Variants in RFT1 observed in about 807,000 individuals in gnomAD.
RFT1 encodes the protein man(5)GlcNAc(2)-PP-dolichol translocation protein RFT1.
A neutral mutation model predicts 62.2 loss-of-function variants in RFT1; 43 were observed. The ratio of observed to expected loss-of-function variants is 0.69; its 90% CI spans 0.54 to 0.89. The LOEUF is 0.89. Among genes scored for constraint, RFT1 ranks in the 40% least tolerant of loss-of-function variants. RFT1 has a pLI of 0.00. For missense variants in RFT1, 605 were observed against 649.9 expected, an observed-to-expected ratio of 0.93 and a Z score of 0.75; for synonymous variants, 262 against 264.6, an observed-to-expected ratio of 0.99 and a Z score of 0.10.
chr3:53,095,293 C>T (rs1293169806), intron 11 of RFT1, among the ~76,000 whole-genome samples: 1 of 152,022 alleles, frequency 6.6e-6, no homozygotes, highest in African/African-American at 2.4e-5. Flanking sequence ...AAAATCAAAG[C>T]AAAATTATTA....
the RFT1 span, among the ~76,000 whole-genome samples, chr3:53,083,322 G>A: frequency 1.3e-5 from 2 of 150,138 alleles, no homozygotes; most frequent in Admixed American, 1.3e-4. Flanking sequence ...GACCAGTCTG[G>A]GCAACATAGT....
chr3:53,090,234 G>A lies in RFT1; in HGVS notation c.*1669C>T, dbSNP rs1700953905. 1.3e-5 allele frequency: 2 copies of A among 152,764 alleles called. No homozygotes were observed. Among genetic ancestry groups the A allele is most frequent in the Non-Finnish European group, 2.9e-5 (2 of 68,074 alleles). The allele number at this position is 152,764 out of a possible 1,614,324, so 9.5% of individuals were successfully genotyped here. ...ACGGGATAGGTGCAGGGTTCCGGGA[G>A]GGTGATCAGCAGCTGCAGAGAAGCA... On this transcript the variant is annotated 3_prime_UTR_variant, in exon 13 of 13. Coordinates refer to ENST00000296292, the MANE Select transcript of RFT1 (RefSeq NM_052859.4).
Position 53,104,101 on chromosome 3 carries a change from G to A in RFT1, c.958-4C>T. 6.2e-7 allele frequency: 1 copy of A among 1,614,104 alleles called. No individual in the cohort carries two copies. The highest frequency in any genetic ancestry group is 8.5e-7 in the Non-Finnish European group (1 of 1,180,016). On this transcript the variant is annotated splice_region_variant and splice_polypyrimidine_tract_variant and intron_variant, in intron 9 of 12. Transcript: ENST00000296292. Reference sequence around the variant, plus strand: ...CAGCAGCCACAGCAACGTCCTCCTGGGGCCAGGGAAGAGGGAAGGAAGTTG... The same window carrying A: ...CAGCAGCCACAGCAACGTCCTCCTGAGGCCAGGGAAGAGGGAAGGAAGTTG...
At chr3:53,123,308 A>G (rs1575503092) in intron 3 of RFT1, among the ~76,000 whole-genome samples, 1 of 152,234 alleles carries the variant, frequency 6.6e-6, no homozygotes, top group Non-Finnish European at 1.5e-5. Flanking sequence ...ATGTAATAAA[A>G]CCCATAAAAG....
At chr3:53,124,393 G>C (rs544766711) in intron 2 of RFT1, among the ~76,000 whole-genome samples, 1 of 152,162 alleles carries the variant, frequency 6.6e-6, no homozygotes, top group South Asian at 2.1e-4. Flanking sequence ...AGGAGTAGCT[G>C]AGATCTCCCC....
intron 1 of RFT1, among the ~76,000 whole-genome samples, chr3:53,129,600 G>A (rs73087734): frequency 6.6e-6 from 1 of 152,264 alleles, no homozygotes; most frequent in Non-Finnish European, 1.5e-5. Context: ...AGCTCCTGGG[G>A]TTGAAAGAAT....
At chr3:53,130,312 G>A (rs1161410592) in intron 1 of RFT1, 26 bp downstream of exon 1, 1 of 1,558,358 alleles carries the variant, frequency 6.4e-7, no homozygotes, top group Admixed American at 1.9e-5. Context: ...TGCAGTACAA[G>A]CTGGAACCTG....
At chr3:53,119,133 G>A (rs1158322138) in intron 6 of RFT1, among the ~76,000 whole-genome samples, 2 of 151,966 alleles carry the variant, frequency 1.3e-5, no homozygotes, top group South Asian at 2.1e-4. Flanking sequence ...AGGATCACTT[G>A]AGCCCAGGAG....
the RFT1 span, among the ~76,000 whole-genome samples, chr3:53,083,318 T>A: frequency 1.4e-5 from 2 of 143,712 alleles, no homozygotes; most frequent in South Asian, 4.4e-4. Flanking sequence ...GTAAGACCAG[T>A]CTGGGCAACA....
downstream of RFT1, among the ~76,000 whole-genome samples, chr3:53,084,599 C>A (rs1199410445): frequency 1.3e-5 from 2 of 152,208 alleles, no homozygotes; most frequent in South Asian, 4.1e-4. Context: ...AGCTCCCGAG[C>A]CTGTTCCAAG....
At chr3:53,103,402 G>C in intron 10 of RFT1, 2 of 327,852 alleles carry the variant, frequency 6.1e-6, no homozygotes, top group Non-Finnish European at 8.8e-6. Flanking sequence ...CAGCGGCCTG[G>C]TGTTTCAAAA....
the RFT1 span, among the ~76,000 whole-genome samples, chr3:53,073,195 G>A: frequency 6.6e-6 from 1 of 152,228 alleles, no homozygotes; most frequent in South Asian, 2.1e-4. Flanking sequence ...AGCCTGGTGG[G>A]GCACCGGCCT....
At chr3:53,110,749 T>C (rs2107132271) in intron 7 of RFT1, among the ~76,000 whole-genome samples, 1 of 152,274 alleles carries the variant, frequency 6.6e-6, no homozygotes, top group Non-Finnish European at 1.5e-5. Flanking sequence ...GGGACTATAT[T>C]TTATAATTAA....
chr3:53,126,419 T>G (rs1205212768), intron 1 of RFT1, among the ~76,000 whole-genome samples: 6 of 152,218 alleles, frequency 3.9e-5, no homozygotes, highest in Admixed American at 2.0e-4. Context: ...CTTAAGGGTA[T>G]AGCAGACTCA....
chr3:53,121,636 CAA>C (rs1701970599), intron 5 of RFT1, 61 bp downstream of exon 5: 1 of 1,327,200 alleles, frequency 7.5e-7, no homozygotes, highest in Non-Finnish European at 1.1e-6. Flanking sequence ...GCGGTGGGAA[CAA>C]GAAGAAAAAC....
intron 5 of RFT1, among the ~76,000 whole-genome samples, chr3:53,120,617 G>C (rs1701943685): frequency 6.6e-6 from 1 of 152,196 alleles, no homozygotes; most frequent in Admixed American, 6.5e-5. Context: ...TTCTGGCCAG[G>C]AGCAGCCAGA....
the RFT1 span, among the ~76,000 whole-genome samples, chr3:53,069,577 G>C: frequency 6.6e-6 from 1 of 152,220 alleles, no homozygotes; most frequent in Non-Finnish European, 1.5e-5. Context: ...TGATCACTCA[G>C]TAAGAAAAGA....
At chr3:53,085,185 GC>G (rs1439785267), downstream of RFT1, among the ~76,000 whole-genome samples, 1 of 152,216 alleles carries the variant, frequency 6.6e-6, no homozygotes, top group East Asian at 1.9e-4. Flanking sequence ...TCCTCTCACT[GC>G]CCACCAGCCT....
At chr3:53,116,440 T>C (rs1701799028) in intron 6 of RFT1, among the ~76,000 whole-genome samples, 1 of 151,200 alleles carries the variant, frequency 6.6e-6, no homozygotes, top group Non-Finnish European at 1.5e-5. Context: ...ATCACAGGCA[T>C]GTGCCACCAT....
Sources: gnomAD v4.1 joint callset for allele counts (sites outside exome capture counted in the v4.1 genomes callset) on GRCh38, gnomAD v4.1.1 for gene constraint, MANE v1.5 for transcripts, NCBI Gene and HGNC (gene_info 2026-07-23, HGNC 2026-07-21) for gene names.